The following PFKM variants were observed in gnomAD, a reference collection of about 807,000 sequenced individuals.
PFKM encodes the protein phosphofructokinase, muscle.
A neutral mutation model predicts 95.5 loss-of-function variants in PFKM; 58 were observed. That is an observed-to-expected ratio of 0.61 (90% CI 0.49 to 0.76). The LOEUF (loss-of-function observed/expected upper bound fraction) is 0.76, where lower values mean the gene tolerates loss of function less well. Among genes scored for constraint, PFKM ranks in the 30% least tolerant of loss-of-function variants. The pLI, the probability that PFKM is intolerant of heterozygous loss-of-function variation, is 0.00. For synonymous variants in PFKM, 336 were observed against 357.2 expected (o/e 0.94, Z 0.67); for missense variants, 678 against 1,005.4 (o/e 0.67, Z 4.40).
At chr12:48,116,267 CT>C (rs1343134920), upstream of PFKM, among the ~76,000 whole-genome samples, 2 of 150,708 alleles carry the variant, frequency 1.3e-5, no homozygotes, top group East Asian at 3.9e-4. Flanking sequence ...CTCTCCACCC[CT>C]CCCTACCTCC....
intron 11 of PFKM, 93 bp from the exon 12 acceptor site, chr12:48,139,192 C>A: frequency 1.0e-6 from 1 of 967,908 alleles, no homozygotes; most frequent in Non-Finnish European, 1.7e-6. Flanking sequence ...AGTCACAATC[C>A]CAGAGATGGG....
At position 48,146,195 on chromosome 12, in the gene PFKM, G is replaced by A. The variant is rs962112960; in HGVS notation, c.*487G>A. ...ACTTGTCTGATGAAGCAGTAAAGACGTTAAGGGTATCACAGGGGGTGGAGG... is the reference window on the plus strand; with the variant it reads ...ACTTGTCTGATGAAGCAGTAAAGACATTAAGGGTATCACAGGGGGTGGAGG... On this transcript the variant is annotated 3_prime_UTR_variant, in exon 23 of 23. Transcript: ENST00000359794. The A allele has an allele frequency of 5.3e-6, 1 of 187,904 alleles. No homozygotes were observed. The highest frequency in any genetic ancestry group is 1.1e-5 in the Non-Finnish European group (1 of 88,422). 11.6% of individuals were successfully genotyped at this position (187,904 alleles called of 1,614,324 possible). A position where few individuals can be genotyped will look rare whatever the true frequency, so the allele number is the denominator to read the frequency against.
At chr12:48,137,410 A>T in intron 10 of PFKM, 1 of 411,662 alleles carries the variant, frequency 2.4e-6, no homozygotes, top group East Asian at 5.4e-5. Context: ...GAGCAAAGCA[A>T]TCTCCTACCT....
chr12:48,106,141 G>A (rs745406901), intron 1 of PFKM: 1 of 702,500 alleles, frequency 1.4e-6, no homozygotes. Context: ...TCGCTAGGTG[G>A]CTGAAGAGGA....
At chr12:48,110,542 G>A (rs571656174) in intron 3 of PFKM, among the ~76,000 whole-genome samples, 122 of 152,180 alleles carry the variant, frequency 8.0e-4, no homozygotes, top group African/African-American at 2.6e-3. Flanking sequence ...AACTCATGTC[G>A]TCAAACAACA....
chr12:48,134,393 T>C, intron 7 of PFKM, 117 bp downstream of exon 7: 1 of 893,780 alleles, frequency 1.1e-6, no homozygotes, highest in Non-Finnish European at 1.9e-6. Context: ...CACATGCTCC[T>C]TGTGGTGTGG....
Position 48,139,275 on chromosome 12 carries a change from C to T in PFKM, c.1063-10C>T. ...CTGGAGTTGAAACTGTCGCTGTGCT[C>T]CCCCCTCAGACCAAAGATGTGACCA... On this transcript the variant is annotated splice_polypyrimidine_tract_variant and intron_variant, in intron 11 of 22. Coordinates refer to ENST00000359794, the MANE Select transcript of PFKM (RefSeq NM_000289.6). 1 of 1,608,750 alleles carries T rather than the reference C, an allele frequency of 6.2e-7. No individual in the cohort carries two copies. Among genetic ancestry groups the T allele is most frequent in the Non-Finnish European group, 8.5e-7 (1 of 1,175,652 alleles).
At chr12:48,123,644 G>A (rs935635325) in intron 2 of PFKM, among the ~76,000 whole-genome samples, 10 of 152,196 alleles carry the variant, frequency 6.6e-5, no homozygotes, top group Non-Finnish European at 1.5e-4. Context: ...AAGAGAGAAG[G>A]AAAGCGATTT....
chr12:48,125,310 ATTT>A, intron 2 of PFKM: 1 of 372,658 alleles, frequency 2.7e-6, no homozygotes, highest in Admixed American at 2.8e-5. Flanking sequence ...TATCTTTTTG[ATTT>A]TTTTTTTTAA....
At chr12:48,132,663 G>A (rs770374601) in intron 4 of PFKM, 75 of 610,446 alleles carry the variant, frequency 1.2e-4, no homozygotes, top group Non-Finnish European at 2.0e-4. Context: ...CTTCTCAGAT[G>A]TGTAGCAAAA....
At chr12:48,131,481 T>C (rs1949478677) in intron 4 of PFKM, 88 bp downstream of exon 4, 3 of 934,634 alleles carry the variant, frequency 3.2e-6, no homozygotes, top group Non-Finnish European at 5.3e-6. Context: ...CTAAATTCCC[T>C]GTCATGTGGT....
At chr12:48,107,238 G>C (rs1355064134) in intron 1 of PFKM, 1 of 663,400 alleles carries the variant, frequency 1.5e-6, no homozygotes, top group Non-Finnish European at 2.7e-6. Flanking sequence ...CTCATGTGCT[G>C]ATACTTTTAT....
chr12:48,127,538 A>G (rs972150826), intron 2 of PFKM, among the ~76,000 whole-genome samples: 1 of 152,170 alleles, frequency 6.6e-6, no homozygotes, highest in Non-Finnish European at 1.5e-5. Context: ...CCAACTGGAT[A>G]TAAGTCCTGT....
intron 10 of PFKM, chr12:48,137,422 GTTTTGTCAATAAGAAGGGAATATTA>G (rs1038833093): frequency 1.1e-5 from 5 of 438,842 alleles, no homozygotes; most frequent in Non-Finnish European, 2.1e-5. Context: ...CTCCTACCTT[GTTTTGTCAATAAGAAGGGAATATTA>G]TTAAGCCCCA....
intron 2 of PFKM, among the ~76,000 whole-genome samples, chr12:48,123,469 C>T (rs1426015754): frequency 1.3e-5 from 2 of 152,068 alleles, no homozygotes; most frequent in East Asian, 3.8e-4. Flanking sequence ...TTTAAGAAAC[C>T]TGGGAGTCAC....
chr12:48,119,784 T>C (rs931792487), intron 1 of PFKM: 8 of 152,262 alleles, frequency 5.3e-5, no homozygotes, highest in African/African-American at 1.9e-4. Flanking sequence ...AGAGATATGT[T>C]TTAATATCTG....
chr12:48,139,970 T>A (rs1279234092), intron 13 of PFKM, 58 bp downstream of exon 13: 27 of 1,107,818 alleles, frequency 2.4e-5, no homozygotes. Context: ...CAGTCTCTCT[T>A]CATAAATGCT....
At chr12:48,121,695 G>A (rs1236875444) in intron 1 of PFKM, among the ~76,000 whole-genome samples, 1 of 152,162 alleles carries the variant, frequency 6.6e-6, no homozygotes, top group Non-Finnish European at 1.5e-5. Context: ...GTCTAATAGA[G>A]TGAAGAAAGG....
intron 10 of PFKM, among the ~76,000 whole-genome samples, chr12:48,136,155 G>A (rs951108871): frequency 2.6e-5 from 4 of 152,142 alleles, no homozygotes; most frequent in South Asian, 4.1e-4. Context: ...CCAAAATGCC[G>A]GGATTACAGG....
Sources: allele counts gnomAD v4.1 joint callset (sites outside exome capture counted in the v4.1 genomes callset), GRCh38; gene constraint gnomAD v4.1.1; transcripts MANE v1.5; gene names NCBI Gene and HGNC (gene_info 2026-07-23, HGNC 2026-07-21).